The following PTGR1 variants were observed in gnomAD, a reference collection of about 807,000 sequenced individuals.
PTGR1 encodes the protein prostaglandin reductase 1, also known as 15-oxoprostaglandin 13-reductase.
In PTGR1, 23 loss-of-function variants were observed where a neutral mutation model predicts 37.7. The observed-to-expected ratio is 0.61, with a 90% CI of 0.44 to 0.86. The LOEUF is 0.86. Among genes scored for constraint, PTGR1 ranks in the 40% least tolerant of loss-of-function variants. The probability of loss-of-function intolerance (pLI) is 0.00; values close to 1 mark genes in which losing one functional copy is unlikely to be tolerated. For missense variants in PTGR1, 351 were observed against 394.3 expected, an observed-to-expected ratio of 0.89 and a Z score of 0.93; for synonymous variants, 134 against 140.0, an observed-to-expected ratio of 0.96 and a Z score of 0.30.
intron 6 of PTGR1, among the ~76,000 whole-genome samples, chr9:111,581,718 T>G (rs974520761): frequency 1.3e-5 from 2 of 152,268 alleles, no homozygotes; most frequent in Admixed American, 6.5e-5. Flanking sequence ...GGGATCCTCT[T>G]GCCTCAGCCA....
downstream of PTGR1, among the ~76,000 whole-genome samples, chr9:111,561,681 G>A (rs1342048215): frequency 6.6e-6 from 1 of 152,166 alleles, no homozygotes; most frequent in Non-Finnish European, 1.5e-5. Flanking sequence ...TCTTTGGTGT[G>A]TTGAATAATT....
intron 9 of PTGR1, among the ~76,000 whole-genome samples, chr9:111,551,811 G>C (rs907714616): frequency 6.6e-6 from 1 of 152,116 alleles, no homozygotes; most frequent in South Asian, 2.1e-4. Flanking sequence ...AGTAAATTCA[G>C]TAACATATCA....
At chr9:111,591,967 A>G (rs993270057) in intron 4 of PTGR1, among the ~76,000 whole-genome samples, 1 of 152,192 alleles carries the variant, frequency 6.6e-6, no homozygotes, top group African/African-American at 2.4e-5. Context: ...GCAGTCAGGG[A>G]GGTTTCACAT....
intron 5 of PTGR1, among the ~76,000 whole-genome samples, chr9:111,583,832 T>C (rs1280038252): frequency 6.6e-6 from 1 of 152,210 alleles, no homozygotes; most frequent in East Asian, 1.9e-4. Flanking sequence ...GGCTGTATCC[T>C]GTCCATTCAC....
At chr9:111,599,256 C>T (rs1829870756) in intron 1 of PTGR1, 1 of 152,366 alleles carries the variant, frequency 6.6e-6, no homozygotes, top group Non-Finnish European at 1.5e-5. Context: ...AATCCCCACC[C>T]CGATCTTTCT....
At chr9:111,593,332 A>C (rs1300860957) in intron 3 of PTGR1, among the ~76,000 whole-genome samples, 1 of 152,220 alleles carries the variant, frequency 6.6e-6, no homozygotes, top group Non-Finnish European at 1.5e-5. Context: ...ATTACCCAAA[A>C]CACTAGCTAC....
intron 9 of PTGR1, 39 bp from the exon 10 acceptor site, chr9:111,563,270 A>G: frequency 3.8e-6 from 6 of 1,571,378 alleles, no homozygotes; most frequent in Non-Finnish European, 5.2e-6. Context: ...ACTTAATTTA[A>G]TATTCTCAAT....
chr9:111,551,816 A>T (rs1401198643), intron 9 of PTGR1, among the ~76,000 whole-genome samples: 1 of 152,204 alleles, frequency 6.6e-6, no homozygotes. Flanking sequence ...ATTCAGTAAC[A>T]TATCAATTCA....
intron 5 of PTGR1, among the ~76,000 whole-genome samples, chr9:111,585,242 G>A (rs1829396004): frequency 6.6e-6 from 1 of 152,112 alleles, no homozygotes. Flanking sequence ...ATATACATAA[G>A]TGAATAAATT....
intron 7 of PTGR1, chr9:111,576,418 C>T (rs1829057502): frequency 1.2e-6 from 2 of 1,614,040 alleles, no homozygotes; most frequent in Non-Finnish European, 1.7e-6. Flanking sequence ...TGAATAAGAC[C>T]ATGCTCTGCC....
At chr9:111,573,767 A>G (rs1239121084) in intron 8 of PTGR1, among the ~76,000 whole-genome samples, 1 of 152,174 alleles carries the variant, frequency 6.6e-6, no homozygotes, top group Non-Finnish European at 1.5e-5. Context: ...AGGCCTGTAC[A>G]AGGCATCTCA....
chr9:111,598,407 T>C (rs1261605224), intron 1 of PTGR1, among the ~76,000 whole-genome samples: 23 of 152,266 alleles, frequency 1.5e-4, no homozygotes, highest in Non-Finnish European at 1.5e-5. Flanking sequence ...GGGGACACGG[T>C]GACCTGGAGG....
chr9:111,599,436 G>T (rs532746180), intron 1 of PTGR1, 167 bp downstream of exon 1: 3 of 152,368 alleles, frequency 2.0e-5, no homozygotes, highest in Non-Finnish European at 2.9e-5. Flanking sequence ...CGGGACGTCG[G>T]CTCCCAAGAT....
downstream of PTGR1, chr9:111,562,448 G>C (rs1425628577): frequency 6.6e-6 from 1 of 151,724 alleles, no homozygotes; most frequent in Non-Finnish European, 1.5e-5. Flanking sequence ...GCTAATTTTT[G>C]TATTTTCAGT....
intron 5 of PTGR1, 24 bp from the exon 6 acceptor site, chr9:111,583,613 T>C (rs1223897298): frequency 5.9e-6 from 9 of 1,530,060 alleles, no homozygotes; most frequent in Non-Finnish European, 8.2e-6. Flanking sequence ...ATTAAGGATA[T>C]ATGAATAGAG....
intron 6 of PTGR1, among the ~76,000 whole-genome samples, chr9:111,580,440 T>C (rs757680331): frequency 2.0e-5 from 3 of 152,184 alleles, no homozygotes; most frequent in Non-Finnish European, 4.4e-5. Context: ...TTTCTTCCTC[T>C]TTTTTAACCA....
intron 1 of PTGR1, 81 bp from the exon 2 acceptor site, chr9:111,597,513 A>C: frequency 1.3e-6 from 1 of 786,464 alleles, no homozygotes. Flanking sequence ...CTGAGACCAG[A>C]CAGCACAATT....
At chr9:111,579,747 T>C (rs1465387575) in intron 6 of PTGR1, among the ~76,000 whole-genome samples, 2 of 152,154 alleles carry the variant, frequency 1.3e-5, no homozygotes, top group Non-Finnish European at 2.9e-5. Context: ...CATGAGCCAC[T>C]GCACCAGGCC....
intron 1 of PTGR1, among the ~76,000 whole-genome samples, chr9:111,598,024 T>C (rs1829836405): frequency 6.6e-6 from 1 of 151,708 alleles, no homozygotes; most frequent in African/African-American, 2.4e-5. Flanking sequence ...CTTTTTTTTC[T>C]CTCTTTTCTT....
Sources: gnomAD v4.1 joint callset for allele counts (sites outside exome capture counted in the v4.1 genomes callset) on GRCh38, gnomAD v4.1.1 for gene constraint, MANE v1.5 for transcripts, NCBI Gene and HGNC (gene_info 2026-07-23, HGNC 2026-07-21) for gene names.